Variants in NUP88 observed in about 807,000 individuals in gnomAD.
NUP88 encodes the protein nuclear pore complex protein Nup88.
In NUP88, 57 loss-of-function variants were observed where a neutral mutation model predicts 93.9. The observed-to-expected ratio is 0.61, with a 90% CI of 0.49 to 0.76. NUP88 has a LOEUF of 0.76. Ranked by LOEUF, NUP88 falls within the 30% of genes least tolerant of loss-of-function variation. The pLI is 0.00. For missense variants in NUP88, 911 were observed against 901.0 expected (o/e 1.01, Z -0.14); for synonymous variants, 346 against 336.8 (o/e 1.03, Z -0.30).
chr17:5,412,458 C>T (rs1001334406), intron 3 of NUP88, among the ~76,000 whole-genome samples: 3 of 152,118 alleles, frequency 2.0e-5, no homozygotes, highest in Non-Finnish European at 2.9e-5. Context: ...GCAATACACA[C>T]GTATCACGTT....
chr17:5,404,032 A>T, intron 7 of NUP88, 67 bp downstream of exon 7: 1 of 1,468,376 alleles, frequency 6.8e-7, no homozygotes, highest in Non-Finnish European at 9.4e-7. Flanking sequence ...ATTACATAGG[A>T]ACAGTCTATG....
chr17:5,388,996 G>C, intron 10 of NUP88, 36 bp from the exon 11 acceptor site: 1 of 1,526,034 alleles, frequency 6.6e-7, no homozygotes, highest in Non-Finnish European at 8.9e-7. Flanking sequence ...TTCTACCATG[G>C]AGTGATTTAC....
rs1247535651 is a variant in NUP88 at position 5,405,045 on chromosome 17, G to A, written c.1044+12C>T. The A allele has an allele frequency of 6.2e-7, 1 of 1,611,676 alleles. No homozygotes were observed. Among genetic ancestry groups the A allele is most frequent in the African/African-American group, 1.3e-5 (1 of 74,896 alleles). ...GTTGAAGATACAAACAACCACAGCA[G>A]CCTGCACTTACCGTGTGGTCATCTT... On this transcript the variant is annotated intron_variant, in intron 6 of 16. Coordinates refer to ENST00000573584, the MANE Select transcript of NUP88 (RefSeq NM_002532.6).
chr17:5,389,001 A>AT lies in NUP88; in HGVS notation c.1485-42dup, dbSNP rs539974820. The AT allele has an allele frequency of 4.6e-4, 678 of 1,461,180 alleles. 8 individuals carry two copies. Among genetic ancestry groups the AT allele is most frequent in the South Asian group, 4.6e-3 (362 of 79,288 alleles). The allele number at this position is 1,461,180 out of a possible 1,614,324, so 90.5% of individuals were successfully genotyped here. A position where few individuals can be genotyped will look rare whatever the true frequency, so the allele number is the denominator to read the frequency against. ...GTAAATTGAATTCTACCATGGAGTGATTTACTGTATTACAGGAAAGCAGAA... is the reference window on the plus strand; with the variant it reads ...GTAAATTGAATTCTACCATGGAGTGATTTTACTGTATTACAGGAAAGCAGAA... On this transcript the variant is annotated intron_variant, in intron 10 of 16. Transcript: ENST00000573584.
At chr17:5,410,864 T>C in intron 3 of NUP88, 75 bp from the exon 4 acceptor site, 2 of 881,248 alleles carry the variant, frequency 2.3e-6, no homozygotes, top group Non-Finnish European at 1.8e-6. Context: ...TTCCTCTCCA[T>C]CTAGTCAGTT....
At chr17:5,396,401 G>C (rs982983514) in intron 8 of NUP88, among the ~76,000 whole-genome samples, 2 of 152,200 alleles carry the variant, frequency 1.3e-5, no homozygotes, top group African/African-American at 4.8e-5. Flanking sequence ...ACAGTTGTTT[G>C]TAACTGGCTT....
In NUP88 at chr17:5,401,129, A is replaced by G. The variant is rs1350585188; in HGVS notation, c.1193-1479T>C. Among the ~76,000 whole-genome samples, 3 of 152,134 alleles carry G rather than the reference A, an allele frequency of 2.0e-5. No individual in the cohort carries two copies. In the East Asian group the frequency reaches 5.8e-4, roughly 29 times the overall value. Reference sequence around the variant, plus strand: ...CCGGGTGTGGTGGCTCACGCCTGTAATCCCAGCCCTTTGGGAGGCCAAGGT... The same window carrying G: ...CCGGGTGTGGTGGCTCACGCCTGTAGTCCCAGCCCTTTGGGAGGCCAAGGT... On this transcript the variant is annotated intron_variant, in intron 7 of 16. Transcript: ENST00000573584.
At chr17:5,418,521 G>A (rs1914343514) in intron 1 of NUP88, among the ~76,000 whole-genome samples, 1 of 152,142 alleles carries the variant, frequency 6.6e-6, no homozygotes, top group Non-Finnish European at 1.5e-5. Flanking sequence ...CCCAGTGTTG[G>A]GACTGCAGGC....
intron 7 of NUP88, among the ~76,000 whole-genome samples, chr17:5,400,107 G>C (rs1256800406): frequency 7.1e-6 from 1 of 140,888 alleles, no homozygotes. Context: ...CGATAGACTT[G>C]CTTGATGCAG....
chr17:5,409,392 A>AAAAAAAC (rs1913696597), intron 4 of NUP88, among the ~76,000 whole-genome samples: 1 of 151,818 alleles, frequency 6.6e-6, no homozygotes, highest in African/African-American at 2.4e-5. Context: ...AAAAAAAAAA[A>AAAAAAAC]AAAATTCTCA....
rs200440899 is a variant in NUP88 at position 5,385,905 on chromosome 17, A to T, written c.*301T>A. 9.1e-6 allele frequency: 1 copy of T among 109,928 alleles called. No individual in the cohort carries two copies. Among genetic ancestry groups the T allele is most frequent in the African/African-American group, 6.2e-5 (1 of 16,228 alleles). 6.8% of individuals were successfully genotyped at this position (109,928 alleles called of 1,614,324 possible). A position where few individuals can be genotyped will look rare whatever the true frequency, so the allele number is the denominator to read the frequency against. On this transcript the variant is annotated 3_prime_UTR_variant, in exon 17 of 17. Coordinates refer to ENST00000573584, the MANE Select transcript of NUP88 (RefSeq NM_002532.6). ...ACTTTAAAACACAGCTCACAAGAAT[A>T]ACTAACTTGCTCAAATATGGAGAAA...
chr17:5,385,677 G>C lies in NUP88; in HGVS notation c.*529C>G, dbSNP rs1372438295. Reference sequence around the variant, plus strand: ...GGTAATACAGCTTGTGAGGAAGTGAGCCAGCAGTGGCCTTTGCAATTGTGG... The same window carrying C: ...GGTAATACAGCTTGTGAGGAAGTGACCCAGCAGTGGCCTTTGCAATTGTGG... On this transcript the variant is annotated 3_prime_UTR_variant, in exon 17 of 17. Coordinates refer to ENST00000573584, the MANE Select transcript of NUP88 (RefSeq NM_002532.6). 1 of 231,040 alleles carries C rather than the reference G, an allele frequency of 4.3e-6. No individual in the cohort carries two copies. Among genetic ancestry groups the C allele is most frequent in the East Asian group, 6.2e-5 (1 of 16,232 alleles). 14.3% of individuals were successfully genotyped at this position (231,040 alleles called of 1,614,324 possible).
intron 1 of NUP88, chr17:5,418,248 A>C (rs1357700317): frequency 6.6e-6 from 1 of 152,020 alleles, no homozygotes. Flanking sequence ...CGTGCTGCAC[A>C]TTTGGTAATT....
chr17:5,416,036 TC>T (rs778214892), intron 2 of NUP88, among the ~76,000 whole-genome samples: 1 of 144,216 alleles, frequency 6.9e-6, no homozygotes, highest in Admixed American at 7.0e-5. Flanking sequence ...TCCCAGTTAC[TC>T]GGGAGGCTGA....
At chr17:5,405,315 G>C in intron 5 of NUP88, 72 bp from the exon 6 acceptor site, 2 of 1,332,278 alleles carry the variant, frequency 1.5e-6, no homozygotes, top group Non-Finnish European at 2.1e-6. Context: ...ACCATTCTTT[G>C]ACTTTGTTTT....
chr17:5,398,890 CTTT>C (rs751156685), intron 8 of NUP88, among the ~76,000 whole-genome samples: 4 of 131,914 alleles, frequency 3.0e-5, no homozygotes, highest in Admixed American at 7.6e-5. Context: ...TGCACCCAGC[CTTT>C]TTTTTTTTTT....
chr17:5,419,493 G>A lies in NUP88; in HGVS notation c.158C>T (p.Pro53Leu), dbSNP rs551961860. The change falls in exon 1 of 17, where the codon CCG (proline) becomes CTG (leucine). Residue 53 changes from proline to leucine, a missense_variant. Pro to Leu is a moderately conservative substitution (Grantham distance 98, BLOSUM62 -3). Transcript: ENST00000573584. ...GACCACGTTTCTCGTCAGCAACTGC[G>A]GCGGCGGCGACGAAGGCAACGACGA... Reference protein sequence around the residue: ...ASSSLPSSPPPQLLTRNVVFG... With the variant: ...ASSSLPSSPPLQLLTRNVVFG... 2 of 1,613,706 alleles carry A rather than the reference G, an allele frequency of 1.2e-6. No individual in the cohort carries two copies. Among genetic ancestry groups the A allele is most frequent in the African/African-American group, 1.3e-5 (1 of 75,054 alleles).
chr17:5,395,046 T>C, intron 8 of NUP88, 65 bp from the exon 9 acceptor site: 1 of 987,644 alleles, frequency 1.0e-6, no homozygotes, highest in Non-Finnish European at 1.6e-6. Context: ...AAAATGCTAA[T>C]GATATTGGGT....
intron 8 of NUP88, among the ~76,000 whole-genome samples, chr17:5,396,194 A>C (rs1912765952): frequency 9.2e-5 from 14 of 152,080 alleles, no homozygotes; most frequent in Admixed American, 9.2e-4. Flanking sequence ...CTGGGCAACA[A>C]GAGTGAAACT....
Sources: allele counts gnomAD v4.1 joint callset (sites outside exome capture counted in the v4.1 genomes callset), GRCh38; gene constraint gnomAD v4.1.1; transcripts MANE v1.5; gene names NCBI Gene and HGNC (gene_info 2026-07-23, HGNC 2026-07-21).